DKK2: variants seen among roughly 807,000 people sequenced by gnomAD.
DKK2 encodes dickkopf Wnt signaling pathway inhibitor 2.
In DKK2, 11 loss-of-function variants were observed where a neutral mutation model predicts 28.1. That is an observed-to-expected ratio of 0.39 (90% CI 0.25 to 0.65). The LOEUF (loss-of-function observed/expected upper bound fraction) is 0.65. DKK2 is among the 30% of genes least tolerant of loss of function. DKK2 has a pLI of 0.47. For missense variants in DKK2, 326 were observed against 335.5 expected, an observed-to-expected ratio of 0.97 and a Z score of 0.22; for synonymous variants, 135 against 126.5, an observed-to-expected ratio of 1.07 and a Z score of -0.45.
At chr4:107,018,143 G>A (rs2110372076) in intron 1 of DKK2, among the ~76,000 whole-genome samples, 1 of 152,180 alleles carries the variant, frequency 6.6e-6, no homozygotes, top group East Asian at 1.9e-4. Flanking sequence ...AGAGGATTAT[G>A]TTATCACCTT....
intron 1 of DKK2, among the ~76,000 whole-genome samples, chr4:107,029,004 G>A (rs1723835498): frequency 6.6e-6 from 1 of 152,102 alleles, no homozygotes; most frequent in African/African-American, 2.4e-5. Flanking sequence ...TAGAAGAAAG[G>A]TAGGGGTATA....
chr4:106,982,562 G>A (rs1204211783), intron 1 of DKK2, among the ~76,000 whole-genome samples: 5 of 152,184 alleles, frequency 3.3e-5, no homozygotes, highest in African/African-American at 4.8e-5. Flanking sequence ...TGCATAACTA[G>A]ACCAGTGAAA....
intron 1 of DKK2, among the ~76,000 whole-genome samples, chr4:107,017,980 T>G (rs1257103067): frequency 6.6e-6 from 1 of 152,072 alleles, no homozygotes; most frequent in Non-Finnish European, 1.5e-5. Context: ...CAAGGGATGT[T>G]TCCGCCCTTC....
intron 1 of DKK2, among the ~76,000 whole-genome samples, chr4:106,956,024 T>C (rs184571857): frequency 2.6e-5 from 4 of 152,286 alleles, no homozygotes; most frequent in African/African-American, 9.6e-5. Context: ...AGGTGTTAAC[T>C]CATCCCTATT....
At chr4:106,956,005 AG>A (rs1722584701) in intron 1 of DKK2, among the ~76,000 whole-genome samples, 1 of 152,138 alleles carries the variant, frequency 6.6e-6, no homozygotes, top group Admixed American at 6.5e-5. Context: ...AATTTCCCTA[AG>A]GGTAACTAGG....
intron 1 of DKK2, among the ~76,000 whole-genome samples, chr4:106,999,635 G>A (rs181154089): frequency 5.3e-5 from 8 of 152,242 alleles, no homozygotes; most frequent in South Asian, 2.1e-4. Flanking sequence ...ATGAGCCACC[G>A]TGCCCGGCCC....
chr4:106,969,471 A>G (rs1053075503), intron 1 of DKK2, among the ~76,000 whole-genome samples: 7 of 152,020 alleles, frequency 4.6e-5, no homozygotes, highest in African/African-American at 1.7e-4. Context: ...AACAGAAAAA[A>G]AAATTTACTC....
Position 107,020,536 on chromosome 4 carries a change from C to T in DKK2, c.222+14834G>A, listed in dbSNP as rs74932649. Among the ~76,000 whole-genome samples the T allele has an allele frequency of 9.7e-4, 148 of 152,050 alleles. No homozygotes were observed. The East Asian group carries it at 0.026, about 27-fold the overall frequency. ...GTCTTTCCTCTTAATTTTAATAAGA[C>T]AGGTTTGCATTTTTTAAAAAATAAC... On this transcript the variant is annotated intron_variant, in intron 1 of 3. Transcript: ENST00000285311.
rs952657701 is a variant in DKK2, at chr4:106,969,362, G to T, written c.223-43413C>A. On this transcript the variant is annotated intron_variant, in intron 1 of 3. Coordinates refer to ENST00000285311, the MANE Select transcript of DKK2 (RefSeq NM_014421.3). ...TCTGTATTCATGACTATTTTTCTGG[G>T]ATTCTCTCTGTAGTACTAATGGTTC... Among the ~76,000 whole-genome samples, 3 of 151,242 alleles carry T rather than the reference G, an allele frequency of 2.0e-5. No individual in the cohort carries two copies. In the South Asian group the frequency reaches 6.3e-4, roughly 32 times the overall value.
chr4:106,940,218 A>C (rs1455943984), intron 1 of DKK2, among the ~76,000 whole-genome samples: 2 of 152,238 alleles, frequency 1.3e-5, no homozygotes, highest in Non-Finnish European at 2.9e-5. Flanking sequence ...CATCTGACAA[A>C]GGGCTAATAT....
chr4:106,976,426 T>C (rs1380385698), intron 1 of DKK2, among the ~76,000 whole-genome samples: 1 of 152,228 alleles, frequency 6.6e-6, no homozygotes, highest in African/African-American at 2.4e-5. Context: ...GGTGCTCCTG[T>C]ATTTGGTGCA....
chr4:106,924,100 C>T lies in DKK2; in HGVS notation c.634G>A (p.Glu212Lys). The T allele has an allele frequency of 6.2e-7, 1 of 1,613,970 alleles. No individual in the cohort carries two copies. Among genetic ancestry groups the T allele is most frequent in the Non-Finnish European group, 8.5e-7 (1 of 1,179,906 alleles). The change falls in exon 4 of 4, where the codon GAA becomes AAA. Residue 212 changes from glutamate to lysine, a missense_variant. Coordinates refer to ENST00000285311, the MANE Select transcript of DKK2 (RefSeq NM_014421.3). ...TTCTTGCGTTGTTTGGTACAGACTT[C>T]CCCCTGATGGAGCACTGGTTTGCAG... ...KICKPVLHQG[E>K]VCTKQRKKGS...
chr4:106,976,370 G>T (rs1487072412), intron 1 of DKK2, among the ~76,000 whole-genome samples: 1 of 152,186 alleles, frequency 6.6e-6, no homozygotes, highest in Non-Finnish European at 1.5e-5. Context: ...TTGTGTCAGA[G>T]CCTAAGTCTC....
chr4:106,925,046 G>A (rs886633854), intron 2 of DKK2, among the ~76,000 whole-genome samples: 8 of 152,070 alleles, frequency 5.3e-5, no homozygotes, highest in Admixed American at 2.0e-4. Context: ...ACATCCTCTG[G>A]ATCCAGATTC....
rs369612870 is a variant in DKK2, at chr4:107,017,967, C to T, written c.222+17403G>A. Among the ~76,000 whole-genome samples, 26 of 152,154 alleles carry T rather than the reference C, an allele frequency of 1.7e-4. No individual in the cohort carries two copies. In the East Asian group the frequency reaches 4.9e-3, roughly 28 times the overall value. Reference sequence around the variant, plus strand: ...TGTTCGATTACTCTAGCATTTTTCCCACCAAGGGATGTTTCCGCCCTTCTT... The same window carrying T: ...TGTTCGATTACTCTAGCATTTTTCCTACCAAGGGATGTTTCCGCCCTTCTT... On this transcript the variant is annotated intron_variant, in intron 1 of 3. Transcript: ENST00000285311.
At chr4:106,947,676 T>C (rs1724798250) in intron 1 of DKK2, among the ~76,000 whole-genome samples, 1 of 139,240 alleles carries the variant, frequency 7.2e-6, no homozygotes, top group Non-Finnish European at 1.6e-5. Flanking sequence ...TCTTTCTTTC[T>C]TTTTTTTTTT....
At chr4:106,994,214 A>G (rs972878284) in intron 1 of DKK2, among the ~76,000 whole-genome samples, 4 of 152,306 alleles carry the variant, frequency 2.6e-5, no homozygotes, top group South Asian at 2.1e-4. Context: ...GGTTGTTACC[A>G]ACCTGTCCAA....
intron 1 of DKK2, among the ~76,000 whole-genome samples, chr4:106,951,481 C>T (rs887892304): frequency 6.6e-6 from 1 of 152,056 alleles, no homozygotes; most frequent in African/African-American, 2.4e-5. Context: ...GGCATATAGA[C>T]ACAATGCAAT....
chr4:106,941,259 T>C (rs1724694696), intron 1 of DKK2, among the ~76,000 whole-genome samples: 1 of 152,114 alleles, frequency 6.6e-6, no homozygotes, highest in Non-Finnish European at 1.5e-5. Flanking sequence ...TTTTCTGGAA[T>C]AAGTTCTGGA....
Sources: allele counts gnomAD v4.1 joint callset (sites outside exome capture counted in the v4.1 genomes callset), GRCh38; gene constraint gnomAD v4.1.1; transcripts MANE v1.5; gene names NCBI Gene and HGNC (gene_info 2026-07-23, HGNC 2026-07-21).